The following ZNF680 variants were observed in gnomAD, a reference collection of about 807,000 sequenced individuals.
ZNF680 encodes hypothetical protein FLJ90430.
Under a neutral mutation model 12.1 loss-of-function variants are expected in ZNF680, and 6 were observed. The ratio of observed to expected loss-of-function variants is 0.49; its 90% CI spans 0.27 to 0.98. The LOEUF (loss-of-function observed/expected upper bound fraction) is 0.98, where lower values mean the gene tolerates loss of function less well. Ranked by LOEUF, ZNF680 falls within the 50% of genes least tolerant of loss-of-function variation. The probability of loss-of-function intolerance (pLI) is 0.12; values close to 1 mark genes in which losing one functional copy is unlikely to be tolerated. For missense variants in ZNF680, 561 were observed against 616.3 expected (o/e 0.91, Z 0.95); for synonymous variants, 170 against 199.3 (o/e 0.85, Z 1.24).
chr7:64,524,865 A>T (rs959232031), intron 3 of ZNF680: 1 of 152,196 alleles, frequency 6.6e-6, no homozygotes, highest in Non-Finnish European at 1.5e-5. Context: ...GAACAGTAAG[A>T]AGAAAAAACT....
intron 1 of ZNF680, among the ~76,000 whole-genome samples, chr7:64,556,658 A>AG (rs1787430240): frequency 6.6e-6 from 1 of 152,252 alleles, no homozygotes; most frequent in Admixed American, 6.5e-5. Context: ...ACCTAAATGT[A>AG]GAACATACAA....
chr7:64,547,816 G>T lies in ZNF680; in HGVS notation c.31-3384C>A, dbSNP rs564488487. On this transcript the variant is annotated intron_variant, in intron 1 of 3. Transcript: ENST00000309683. Reference sequence around the variant, plus strand: ...ACATGGAACATTTCAGCAAGTACTGGTTTTTATAAAAATAAAAAATTAAGG... The same window carrying T: ...ACATGGAACATTTCAGCAAGTACTGTTTTTTATAAAAATAAAAAATTAAGG... 1.7e-3 allele frequency among the ~76,000 whole-genome samples: 254 copies of T among 152,198 alleles called. 3 individuals are homozygous for T. Among genetic ancestry groups the T allele is most frequent in the African/African-American group, 5.9e-3 (245 of 41,540 alleles).
chr7:64,534,365 A>G (rs1353294007), intron 3 of ZNF680, among the ~76,000 whole-genome samples: 3 of 152,224 alleles, frequency 2.0e-5, no homozygotes, highest in Non-Finnish European at 4.4e-5. Context: ...ACGAATAAAC[A>G]TTTCTCAAAA....
chr7:64,557,513 C>A (rs772695342), intron 1 of ZNF680, among the ~76,000 whole-genome samples: 10 of 151,962 alleles, frequency 6.6e-5, no homozygotes, highest in Non-Finnish European at 1.3e-4. Flanking sequence ...CAAGATCGTG[C>A]CACTGCACTC....
intron 3 of ZNF680, among the ~76,000 whole-genome samples, chr7:64,527,813 T>C (rs7776937): frequency 0.23 from 34,334 of 152,144 alleles, 4,070 homozygotes; most frequent in South Asian, 0.28. Context: ...AGGACTAGAC[T>C]GCAGCTCCAA....
intron 1 of ZNF680, among the ~76,000 whole-genome samples, chr7:64,562,231 CA>C (rs534069066): frequency 0.35 from 32,483 of 92,796 alleles, 3,599 homozygotes; most frequent in South Asian, 0.41. Flanking sequence ...GACTCCGTTT[CA>C]AAAAAAAAAA....
At chr7:64,509,492 C>A in the ZNF680 span, among the ~76,000 whole-genome samples, 20 of 152,140 alleles carry the variant, frequency 1.3e-4, no homozygotes, top group Non-Finnish European at 2.8e-4. Flanking sequence ...GGCATTCAAA[C>A]GAGACAGAAA....
At chr7:64,512,849 A>AT in the ZNF680 span, among the ~76,000 whole-genome samples, 5 of 152,214 alleles carry the variant, frequency 3.3e-5, no homozygotes, top group African/African-American at 9.6e-5. Context: ...GCTTAAATCA[A>AT]TTTTTTTAAA....
At chr7:64,552,731 T>C (rs1235713279) in intron 1 of ZNF680, among the ~76,000 whole-genome samples, 4 of 152,232 alleles carry the variant, frequency 2.6e-5, no homozygotes, top group Admixed American at 6.5e-5. Context: ...ACACTTTATA[T>C]TTAAAAAGTA....
At chr7:64,514,727 T>C in the ZNF680 span, among the ~76,000 whole-genome samples, 4 of 152,076 alleles carry the variant, frequency 2.6e-5, no homozygotes, top group East Asian at 5.8e-4. Context: ...ACAAAAGCAA[T>C]GTTTTTAACT....
At chr7:64,535,893 G>A (rs1414174889) in intron 3 of ZNF680, among the ~76,000 whole-genome samples, 7 of 151,866 alleles carry the variant, frequency 4.6e-5, no homozygotes, top group Admixed American at 1.3e-4. Context: ...GCAGTGAGTC[G>A]AGATCACACC....
chr7:64,529,217 CA>C (rs1785729808), intron 3 of ZNF680, among the ~76,000 whole-genome samples: 2 of 152,228 alleles, frequency 1.3e-5, no homozygotes, highest in South Asian at 4.1e-4. Flanking sequence ...GCAAAGGAAC[CA>C]AAAAACCAAC....
the ZNF680 span, among the ~76,000 whole-genome samples, chr7:64,510,719 G>GT: frequency 7.0e-5 from 9 of 128,802 alleles, no homozygotes; most frequent in South Asian, 2.7e-4. Context: ...GACCATCCCG[G>GT]CTAAAATGGT....
intron 1 of ZNF680, among the ~76,000 whole-genome samples, chr7:64,554,425 C>G (rs559976629): frequency 6.9e-4 from 105 of 151,166 alleles, no homozygotes; most frequent in African/African-American, 2.4e-3. Context: ...GGGCAGCCCC[C>G]ACCCGGCCGC....
chr7:64,545,590 T>C (rs1786747696), intron 1 of ZNF680, among the ~76,000 whole-genome samples: 1 of 152,198 alleles, frequency 6.6e-6, no homozygotes, highest in African/African-American at 2.4e-5. Context: ...CCCCAAAAAG[T>C]AAATTATAAT....
chr7:64,501,082 G>A, the ZNF680 span: 1 of 915,666 alleles, frequency 1.1e-6, no homozygotes, highest in Non-Finnish European at 1.8e-6. Context: ...CCTGGCTGCA[G>A]AGCCAAAAGT....
chr7:64,526,293 G>A (rs1458575803), intron 3 of ZNF680: 5 of 1,159,462 alleles, frequency 4.3e-6, no homozygotes. Flanking sequence ...AAGAATACTT[G>A]ATTCAAGATT....
At chr7:64,555,722 T>C (rs1333343704) in intron 1 of ZNF680, among the ~76,000 whole-genome samples, 2 of 93,138 alleles carry the variant, frequency 2.1e-5, no homozygotes, top group African/African-American at 1.1e-4. Flanking sequence ...AATTAAACCT[T>C]TGTAAAAAAA....
At chr7:64,540,003 C>T (rs1239787980) in intron 3 of ZNF680, among the ~76,000 whole-genome samples, 2 of 152,000 alleles carry the variant, frequency 1.3e-5, no homozygotes, top group Non-Finnish European at 2.9e-5. Context: ...GTTATATTTT[C>T]ACAATTAATT....
Sources: gnomAD v4.1 joint callset for allele counts (sites outside exome capture counted in the v4.1 genomes callset) on GRCh38, gnomAD v4.1.1 for gene constraint, MANE v1.5 for transcripts, NCBI Gene and HGNC (gene_info 2026-07-23, HGNC 2026-07-21) for gene names.